GANC: variants seen among roughly 807,000 people sequenced by gnomAD.
GANC encodes neutral alpha-glucosidase C.
Under a neutral mutation model 124.2 loss-of-function variants are expected in GANC, and 117 were observed. The observed-to-expected ratio is 0.94, with a 90% CI of 0.81 to 1.10. The LOEUF is 1.10. Among genes scored for constraint, GANC ranks in the 50% least tolerant of loss-of-function variants. The pLI, the probability that GANC is intolerant of heterozygous loss-of-function variation, is 0.00. For synonymous variants in GANC, 377 were observed against 376.8 expected, an observed-to-expected ratio of 1.00 and a Z score of -0.01; for missense variants, 1,140 against 1,095.0, an observed-to-expected ratio of 1.04 and a Z score of -0.58.
intron 10 of GANC, among the ~76,000 whole-genome samples, chr15:42,313,204 C>G (rs2141048110): frequency 6.6e-6 from 1 of 150,746 alleles, no homozygotes; most frequent in East Asian, 2.0e-4. Context: ...AAGTTGGACT[C>G]CTATATTCAA....
intron 6 of GANC, among the ~76,000 whole-genome samples, chr15:42,300,278 C>G (rs1257197455): frequency 6.6e-6 from 1 of 152,056 alleles, no homozygotes; most frequent in Non-Finnish European, 1.5e-5. Context: ...ACAACCCCAT[C>G]AAAACATAGG....
intron 10 of GANC, chr15:42,314,689 A>G (rs1328566725): frequency 6.5e-6 from 1 of 152,890 alleles, no homozygotes; most frequent in East Asian, 1.9e-4. Flanking sequence ...TCGTTTTAAT[A>G]TATTAGTCAT....
At chr15:42,320,108 C>T (rs1055342696) in intron 10 of GANC, among the ~76,000 whole-genome samples, 1 of 152,110 alleles carries the variant, frequency 6.6e-6, no homozygotes, top group Non-Finnish European at 1.5e-5. Context: ...CGCTTGAACC[C>T]AGAGGCGGAG....
chr15:42,289,930 C>A (rs1162873802), intron 4 of GANC, among the ~76,000 whole-genome samples: 1 of 152,150 alleles, frequency 6.6e-6, no homozygotes, highest in Admixed American at 6.5e-5. Context: ...CACAGAGGGA[C>A]AACCACGTGA....
chr15:42,331,591 C>A (rs2052246172), intron 15 of GANC, among the ~76,000 whole-genome samples: 1 of 152,154 alleles, frequency 6.6e-6, no homozygotes, highest in South Asian at 2.1e-4. Context: ...TCCCACTCCA[C>A]CCCTGAAAAC....
At chr15:42,316,126 A>G (rs906435282) in intron 10 of GANC, among the ~76,000 whole-genome samples, 2 of 152,154 alleles carry the variant, frequency 1.3e-5, no homozygotes, top group African/African-American at 4.8e-5. Context: ...GCACAAGGGA[A>G]TTGAAAGCAG....
intron 10 of GANC, among the ~76,000 whole-genome samples, chr15:42,317,194 A>G (rs904699937): frequency 1.3e-5 from 2 of 152,240 alleles, no homozygotes; most frequent in East Asian, 1.9e-4. Context: ...GAACACATAA[A>G]CAAAATGTGG....
intron 3 of GANC, among the ~76,000 whole-genome samples, chr15:42,279,932 G>A (rs2051715216): frequency 6.6e-6 from 1 of 152,048 alleles, no homozygotes. Flanking sequence ...TTTAGAAATG[G>A]GTCCAAACTT....
chr15:42,351,440 A>G lies in GANC; in HGVS notation c.2635+8A>G, dbSNP rs754433641. 1.9e-6 allele frequency: 3 copies of G among 1,584,966 alleles called. No homozygotes were observed. Among genetic ancestry groups the G allele is most frequent in the Non-Finnish European group, 1.7e-6 (2 of 1,153,608 alleles). The stretch of plus-strand genomic sequence containing the variant: ...TGACTACCCACTCATCTGGTGAGAA[A>G]GCAGTCCATTCTTACCTCACCATTT... On this transcript the variant is annotated splice_region_variant and intron_variant, in intron 23 of 23. Transcript: ENST00000318010.
At position 42,329,378 on chromosome 15, in the gene GANC, A is replaced by G. The variant is rs532321676; in HGVS notation, c.1573A>G (p.Met525Val). The G allele has an allele frequency of 6.2e-6, 10 of 1,613,930 alleles. 1 individual carries two copies. The highest frequency in any genetic ancestry group is 1.3e-5 in the African/African-American group (1 of 74,932). ...TGTCTTTAGAGGGCCAGAGCAAACCATGCAGAAGAATGCCATTCATCATGG... is the reference window on the plus strand; with the variant it reads ...TGTCTTTAGAGGGCCAGAGCAAACCGTGCAGAAGAATGCCATTCATCATGG... ...PSVFRGPEQT[M>V]QKNAIHHGNW... The change falls in exon 14 of 24, where the codon ATG becomes GTG. Residue 525 changes from methionine to valine, a missense_variant. By Grantham distance (21) the Met-to-Val change is conservative. Coordinates refer to ENST00000318010, the MANE Select transcript of GANC (RefSeq NM_198141.3).
chr15:42,280,981 A>G (rs1351994726), intron 3 of GANC: 1 of 702,588 alleles, frequency 1.4e-6, no homozygotes, highest in Admixed American at 2.0e-5. Context: ...ACCACAGTCC[A>G]GGAGGAGACA....
chr15:42,314,160 A>G, intron 10 of GANC: 1 of 761,768 alleles, frequency 1.3e-6, no homozygotes, highest in South Asian at 1.4e-5. Context: ...AGAAAAATTC[A>G]GATTGGATAT....
rs920507968 is a variant in GANC, at chr15:42,316,994, G to A, written c.1058-4791G>A. On this transcript the variant is annotated intron_variant, in intron 10 of 23. Coordinates refer to ENST00000318010, the MANE Select transcript of GANC (RefSeq NM_198141.3). The stretch of plus-strand genomic sequence containing the variant: ...AAAGCTAATGATTAATAATGTTTAC[G>A]CTAATGATTGATAATTGTCCATGAT... 7.2e-5 allele frequency among the ~76,000 whole-genome samples: 11 copies of A among 152,250 alleles called. No individual in the cohort carries two copies. In the South Asian group the frequency reaches 1.9e-3, roughly 26 times the overall value.
rs2052454634 is a variant in GANC, at chr15:42,352,358, C to T, written c.*219C>T. ...TAACAATATTCCTTGTATCAAACAT[C>T]TCCTTTTCTCCCTGATACATAGCCC... On this transcript the variant is annotated 3_prime_UTR_variant, in exon 24 of 24. Transcript: ENST00000318010. 3.0e-6 allele frequency: 4 copies of T among 1,338,636 alleles called. No homozygotes were observed. Among genetic ancestry groups the T allele is most frequent in the Non-Finnish European group, 3.8e-6 (4 of 1,040,944 alleles). The allele number at this position is 1,338,636 out of a possible 1,614,324, so 82.9% of individuals were successfully genotyped here.
At chr15:42,327,175 T>C (rs1363618522) in intron 12 of GANC, among the ~76,000 whole-genome samples, 188 bp from the exon 13 acceptor site, 1 of 152,244 alleles carries the variant, frequency 6.6e-6, no homozygotes, top group Non-Finnish European at 1.5e-5. Flanking sequence ...TTGAAAGATC[T>C]AGTGATTGTC....
chr15:42,341,219 A>T (rs1335517320), intron 18 of GANC, among the ~76,000 whole-genome samples: 1 of 152,146 alleles, frequency 6.6e-6, no homozygotes, highest in Non-Finnish European at 1.5e-5. Context: ...ATGCATTATT[A>T]GTAGGATCAT....
Position 42,273,513 on chromosome 15 carries a change from C to A in GANC, c.-969C>A. 6.6e-7 allele frequency: 1 copy of A among 1,507,562 alleles called. No homozygotes were observed. Among genetic ancestry groups the A allele is most frequent in the East Asian group, 2.4e-5 (1 of 41,808 alleles). 93.4% of individuals were successfully genotyped at this position (1,507,562 alleles called of 1,614,324 possible). On this transcript the variant is annotated 5_prime_UTR_variant, in exon 1 of 24. Coordinates refer to ENST00000318010, the MANE Select transcript of GANC (RefSeq NM_198141.3). ...TCCGGGTCCTGGAAACGTCGCGGAGCTTGTTTGCTGTGCGGCGTAGCGGCC... is the reference window on the plus strand; with the variant it reads ...TCCGGGTCCTGGAAACGTCGCGGAGATTGTTTGCTGTGCGGCGTAGCGGCC...
At chr15:42,321,256 C>T (rs564649682) in intron 10 of GANC, among the ~76,000 whole-genome samples, 2 of 152,252 alleles carry the variant, frequency 1.3e-5, no homozygotes, top group African/African-American at 4.8e-5. Flanking sequence ...TTCAGAATTC[C>T]TAACCTCAAT....
chr15:42,274,941 G>T (rs190789192), intron 1 of GANC, among the ~76,000 whole-genome samples: 1 of 152,216 alleles, frequency 6.6e-6, no homozygotes, highest in Non-Finnish European at 1.5e-5. Flanking sequence ...TGGAAAAGTT[G>T]CAATCAGAAC....
Sources: gnomAD v4.1 joint callset for allele counts (sites outside exome capture counted in the v4.1 genomes callset) on GRCh38, gnomAD v4.1.1 for gene constraint, MANE v1.5 for transcripts, NCBI Gene and HGNC (gene_info 2026-07-23, HGNC 2026-07-21) for gene names.